The following KCNH1 variants were observed in gnomAD, a reference collection of about 807,000 sequenced individuals.
KCNH1 encodes voltage-gated delayed rectifier potassium channel KCNH1.
Under a neutral mutation model 69.2 loss-of-function variants are expected in KCNH1, and 27 were observed. That is an observed-to-expected ratio of 0.39 (90% CI 0.29 to 0.54). KCNH1 has a LOEUF of 0.54. Ranked by LOEUF, KCNH1 falls within the 20% of genes least tolerant of loss-of-function variation. The pLI is 0.68. For synonymous variants in KCNH1, 456 were observed against 487.7 expected (o/e 0.93, Z 0.86); for missense variants, 798 against 1,261.6 (o/e 0.63, Z 5.57).
rs1339588680 is a variant in KCNH1 at position 210,861,855 on chromosome 1, A to G, written c.1463-57689T>C. On this transcript the variant is annotated intron_variant, in intron 7 of 10. Coordinates refer to ENST00000271751, the MANE Select transcript of KCNH1 (RefSeq NM_172362.3). ...GATAAAGGCAAATAATTCCTATCCAACAAGCACTGTTATCACACTGAAGAT... is the reference window on the plus strand; with the variant it reads ...GATAAAGGCAAATAATTCCTATCCAGCAAGCACTGTTATCACACTGAAGAT... 5.3e-6 allele frequency: 4 copies of G among 761,596 alleles called. No individual in the cohort carries two copies. The Admixed American group carries it at 7.0e-5, about 13-fold the overall frequency. The allele number at this position is 761,596 out of a possible 1,614,324, so 47.2% of individuals were successfully genotyped here. A position where few individuals can be genotyped will look rare whatever the true frequency, so the allele number is the denominator to read the frequency against.
chr1:211,101,210 G>A (rs1691251267), intron 3 of KCNH1, among the ~76,000 whole-genome samples: 1 of 152,182 alleles, frequency 6.6e-6, no homozygotes, highest in African/African-American at 2.4e-5. Context: ...TGCTGTAAGA[G>A]CAGACACTGT....
rs562799646 is a variant in KCNH1, at chr1:210,722,504, C to T, written c.2113-38366G>A. 4.6e-5 allele frequency among the ~76,000 whole-genome samples: 7 copies of T among 152,218 alleles called. No individual in the cohort carries two copies. In the East Asian group the frequency reaches 1.2e-3, roughly 25 times the overall value. On this transcript the variant is annotated intron_variant, in intron 10 of 10. Transcript: ENST00000271751. ...ATCAGAAGTTCTGTGCCCCTGGGAG[C>T]AGGGGATGGAGAAGGGCCTGGTAGT...
intron 6 of KCNH1, among the ~76,000 whole-genome samples, chr1:210,954,705 T>A (rs1688134084): frequency 6.6e-6 from 1 of 152,246 alleles, no homozygotes; most frequent in African/African-American, 2.4e-5. Context: ...AATGTCTTCT[T>A]TTCAGAAGTG....
intron 10 of KCNH1, among the ~76,000 whole-genome samples, chr1:210,686,748 C>T (rs111786101): frequency 0.01 from 1,548 of 152,264 alleles, 30 homozygotes; most frequent in African/African-American, 0.035. Context: ...GAGTCTATTC[C>T]TTGTAAGCAA....
chr1:210,881,310 TAAG>T (rs1175576584), intron 7 of KCNH1, among the ~76,000 whole-genome samples: 1 of 152,094 alleles, frequency 6.6e-6, no homozygotes, highest in Admixed American at 6.5e-5. Context: ...GCCAAAACAA[TAAG>T]AAGACATCTT....
intron 7 of KCNH1, chr1:210,861,456 A>G: frequency 1.3e-6 from 1 of 776,040 alleles, no homozygotes; most frequent in East Asian, 2.4e-5. Flanking sequence ...GAGCTTCCAT[A>G]TCTTTCAAAA....
intron 7 of KCNH1, among the ~76,000 whole-genome samples, chr1:210,841,427 C>G (rs959795628): frequency 2.0e-5 from 3 of 152,176 alleles, no homozygotes; most frequent in African/African-American, 7.2e-5. Context: ...ATTTTACTCC[C>G]TGCACAGCAA....
chr1:210,852,571 T>C (rs1322774748), intron 7 of KCNH1, among the ~76,000 whole-genome samples: 1 of 152,178 alleles, frequency 6.6e-6, no homozygotes. Flanking sequence ...CCCTTGTCCT[T>C]TGTGAACCAC....
intron 10 of KCNH1, among the ~76,000 whole-genome samples, chr1:210,689,003 G>T (rs114543075): frequency 6.6e-6 from 1 of 152,336 alleles, no homozygotes; most frequent in African/African-American, 2.4e-5. Flanking sequence ...CTGACATGTT[G>T]CTCAGAATGC....
intron 7 of KCNH1, among the ~76,000 whole-genome samples, chr1:210,817,097 GT>G (rs1406376515): frequency 6.6e-6 from 1 of 152,106 alleles, no homozygotes; most frequent in Non-Finnish European, 1.5e-5. Context: ...GAATCCTTTA[GT>G]TGCTAAGTGA....
intron 7 of KCNH1, among the ~76,000 whole-genome samples, chr1:210,893,910 T>C (rs1041052783): frequency 2.0e-5 from 3 of 152,186 alleles, no homozygotes; most frequent in Admixed American, 6.6e-5. Context: ...GCATTTTTTA[T>C]CTTGGACAAT....
At chr1:210,871,863 G>A (rs980920432) in intron 7 of KCNH1, among the ~76,000 whole-genome samples, 4 of 136,214 alleles carry the variant, frequency 2.9e-5, no homozygotes, top group Non-Finnish European at 4.6e-5. Flanking sequence ...GAGAACACAT[G>A]GACACAGGAA....
chr1:210,862,390 C>A, intron 7 of KCNH1: 1 of 609,136 alleles, frequency 1.6e-6, no homozygotes, highest in Non-Finnish European at 3.0e-6. Flanking sequence ...CGCAAAAGGG[C>A]AATGGTGCAA....
At chr1:210,928,767 A>T (rs1159015880) in intron 6 of KCNH1, among the ~76,000 whole-genome samples, 1 of 152,136 alleles carries the variant, frequency 6.6e-6, no homozygotes, top group Non-Finnish European at 1.5e-5. Flanking sequence ...TTGAAAAGAT[A>T]GATAAAATTG....
intron 5 of KCNH1, among the ~76,000 whole-genome samples, chr1:211,055,522 T>C (rs1690287513): frequency 6.6e-6 from 1 of 152,226 alleles, no homozygotes; most frequent in South Asian, 2.1e-4. Flanking sequence ...GTCCTGGTGC[T>C]GTGCTGGACT....
intron 5 of KCNH1, among the ~76,000 whole-genome samples, chr1:211,050,822 A>G (rs12741900): frequency 0.25 from 38,540 of 152,060 alleles, 5,229 homozygotes; most frequent in South Asian, 0.31. Flanking sequence ...ATGTGAAAAG[A>G]AAATGACATT....
rs143679681 is a variant in KCNH1 at position 210,804,248 on chromosome 1, C to A, written c.1463-82G>T. On this transcript the variant is annotated intron_variant, in intron 7 of 10. Coordinates refer to ENST00000271751, the MANE Select transcript of KCNH1 (RefSeq NM_172362.3). ...AGGGTTCCAGAATGCTCAGCTTGCT[C>A]AGAGTAGGCCAATGGCCAGAGCTGT... 1.2e-4 allele frequency: 142 copies of A among 1,217,842 alleles called. No individual in the cohort carries two copies. The African/African-American group carries it at 1.7e-3, about 14-fold the overall frequency. The allele number at this position is 1,217,842 out of a possible 1,614,324, so 75.4% of individuals were successfully genotyped here. A position where few individuals can be genotyped will look rare whatever the true frequency, so the allele number is the denominator to read the frequency against.
At chr1:210,859,286 C>A (rs1685922666) in intron 7 of KCNH1, 1 of 1,577,642 alleles carries the variant, frequency 6.3e-7, no homozygotes, top group Admixed American at 1.7e-5. Flanking sequence ...AGCTGCTCTT[C>A]TTTGATTGGC....
chr1:210,683,607 T>G lies in KCNH1; in HGVS notation c.2644A>C (p.Ser882Arg), dbSNP rs777517350. ...CGCAAGTCGCTCTTGGTGATGCCAC[T>G]GTCACACGAGTCTGTCTTCTTCAGT... ...ATLKKTDSCD[S>R]GITKSDLRLD... Residue 882 changes from serine to arginine, a missense_variant, in exon 11 of 11, where the codon AGT (serine) becomes CGT (arginine). By Grantham distance (110) the Ser-to-Arg change is moderately radical. This residue lies in a region of KCNH1 where 331 missense variants were observed against 363.2 expected (regional missense o/e 0.91). Transcript: ENST00000271751. The surrounding 1 kb of genome is among the most constrained non-coding windows in gnomAD (Gnocchi z 5.7). 1.2e-6 allele frequency: 2 copies of G among 1,614,184 alleles called. No individual in the cohort carries two copies. The highest frequency in any genetic ancestry group is 1.7e-6 in the Non-Finnish European group (2 of 1,180,042).
Sources: gnomAD v4.1 joint callset for allele counts (sites outside exome capture counted in the v4.1 genomes callset) on GRCh38, gnomAD v4.1.1 for gene constraint, gnomAD v4.1.1 regional missense constraint, Gnocchi (gnomAD v3.1) non-coding constraint, MANE v1.5 for transcripts, NCBI Gene and HGNC (gene_info 2026-07-23, HGNC 2026-07-21) for gene names.